Variants in GRM8 observed in about 807,000 individuals in gnomAD.
The protein encoded by GRM8 is glutamate metabotropic receptor 8, also known as metabotropic glutamate receptor 8.
GRM8 carries 47 observed loss-of-function variants against 87.2 expected under a neutral mutation model. The ratio of observed to expected loss-of-function variants is 0.54; its 90% CI spans 0.43 to 0.69. GRM8 has a LOEUF of 0.69. Ranked by LOEUF, GRM8 falls within the 30% of genes least tolerant of loss-of-function variation. GRM8 has a pLI of 0.00. For missense variants in GRM8, 1,019 were observed against 1,139.2 expected, an observed-to-expected ratio of 0.89 and a Z score of 1.52; for synonymous variants, 396 against 404.5, an observed-to-expected ratio of 0.98 and a Z score of 0.25.
rs521 is a variant in GRM8 at position 126,532,764 on chromosome 7, GATATATATATATAT to G, written c.2430+174_2430+187del. On this transcript the variant is annotated intron_variant, in intron 9 of 10. Coordinates refer to ENST00000339582, the MANE Select transcript of GRM8 (RefSeq NM_000845.3). ...AAGCAATGTGACCTTGACGGATGGA[GATATATATATATAT>G]ATATATATATATATATATATATATA... Among the ~76,000 whole-genome samples the G allele has an allele frequency of 6.4e-3, 713 of 110,916 alleles. 6 individuals carry two copies. Among genetic ancestry groups the G allele is most frequent in the African/African-American group, 0.011 (340 of 30,222 alleles). The allele number at this position is 110,916 out of a possible 152,430, so 72.8% of individuals were successfully genotyped here.
chr7:126,641,497 G>A (rs1157579145), intron 7 of GRM8, among the ~76,000 whole-genome samples: 2 of 152,128 alleles, frequency 1.3e-5, no homozygotes, highest in Non-Finnish European at 2.9e-5. Flanking sequence ...GGTGCAGAGT[G>A]GCCCTTGGGG....
chr7:126,588,563 C>T (rs758466397), intron 8 of GRM8, among the ~76,000 whole-genome samples: 9 of 152,128 alleles, frequency 5.9e-5, no homozygotes, highest in Non-Finnish European at 1.2e-4. Context: ...AGATGCCCAT[C>T]AGTGGTGAAC....
chr7:126,774,506 A>T (rs1819201983), intron 6 of GRM8, among the ~76,000 whole-genome samples: 1 of 152,196 alleles, frequency 6.6e-6, no homozygotes, highest in African/African-American at 2.4e-5. Context: ...AATTAACAAC[A>T]TATAGCAAAG....
At chr7:126,576,739 T>C (rs1034955181) in intron 8 of GRM8, among the ~76,000 whole-genome samples, 2 of 152,226 alleles carry the variant, frequency 1.3e-5, no homozygotes, top group African/African-American at 2.4e-5. Flanking sequence ...TTCCTTAAAA[T>C]GTCAGTGAGG....
intron 7 of GRM8, among the ~76,000 whole-genome samples, chr7:126,630,012 A>C (rs1801098519): frequency 6.6e-6 from 1 of 152,114 alleles, no homozygotes; most frequent in Admixed American, 6.6e-5. Context: ...TTTTCTGCCA[A>C]AATGAAATGC....
At chr7:126,769,705 G>A (rs774704597) in intron 7 of GRM8, among the ~76,000 whole-genome samples, 160 bp downstream of exon 7, 2 of 152,060 alleles carry the variant, frequency 1.3e-5, no homozygotes, top group Admixed American at 6.6e-5. Context: ...AAATATGTTT[G>A]AGATTCAAAA....
At chr7:127,203,637 A>G (rs1168360670) in intron 2 of GRM8, among the ~76,000 whole-genome samples, 1 of 151,964 alleles carries the variant, frequency 6.6e-6, no homozygotes, top group Non-Finnish European at 1.5e-5. Flanking sequence ...GAACCAGGGA[A>G]GTGGAGGTTG....
At chr7:126,988,787 C>G (rs1230550120) in intron 3 of GRM8, among the ~76,000 whole-genome samples, 1 of 152,136 alleles carries the variant, frequency 6.6e-6, no homozygotes, top group African/African-American at 2.4e-5. Flanking sequence ...TTCTTATTAA[C>G]TGTTCATTTT....
At chr7:127,033,785 C>T (rs577104356) in intron 3 of GRM8, among the ~76,000 whole-genome samples, 1 of 152,156 alleles carries the variant, frequency 6.6e-6, no homozygotes, top group South Asian at 2.1e-4. Flanking sequence ...GAACAATCAC[C>T]CTCATATAAA....
chr7:126,591,032 AC>A (rs1248109460), intron 8 of GRM8, among the ~76,000 whole-genome samples: 2 of 152,110 alleles, frequency 1.3e-5, no homozygotes, highest in African/African-American at 4.8e-5. Flanking sequence ...ACATCTCAAT[AC>A]CAACATTGAA....
At chr7:126,564,117 A>G (rs1305754659) in intron 8 of GRM8, among the ~76,000 whole-genome samples, 3 of 152,244 alleles carry the variant, frequency 2.0e-5, no homozygotes, top group Non-Finnish European at 4.4e-5. Flanking sequence ...AAAAGAAATG[A>G]AAGTCAGATG....
At chr7:126,548,392 A>G (rs1817411096) in intron 8 of GRM8, among the ~76,000 whole-genome samples, 1 of 152,240 alleles carries the variant, frequency 6.6e-6, no homozygotes, top group South Asian at 2.1e-4. Context: ...ATCGTCCTTA[A>G]GTATATAAAA....
intron 2 of GRM8, among the ~76,000 whole-genome samples, chr7:127,122,574 C>T (rs944586751): frequency 7.8e-6 from 1 of 128,794 alleles, no homozygotes; most frequent in Non-Finnish European, 1.6e-5. Context: ...ATACACATTG[C>T]TTTTTGGATG....
intron 9 of GRM8, among the ~76,000 whole-genome samples, chr7:126,493,008 T>A (rs993591214): frequency 6.6e-6 from 1 of 152,060 alleles, no homozygotes; most frequent in Non-Finnish European, 1.5e-5. Flanking sequence ...AAAGTTTGTT[T>A]GTGTATTGAT....
chr7:127,151,239 C>T (rs1828845607), intron 2 of GRM8, among the ~76,000 whole-genome samples: 1 of 151,902 alleles, frequency 6.6e-6, no homozygotes, highest in South Asian at 2.1e-4. Flanking sequence ...ATTCCAGATC[C>T]TTCTCCAGCC....
chr7:126,550,896 A>G (rs13246469), intron 8 of GRM8, among the ~76,000 whole-genome samples: 3 of 151,870 alleles, frequency 2.0e-5, no homozygotes, highest in Non-Finnish European at 4.4e-5. Flanking sequence ...AGTTGAAATT[A>G]CAGATACCTG....
intron 6 of GRM8, among the ~76,000 whole-genome samples, chr7:126,853,889 A>G (rs2130750276): frequency 6.6e-6 from 1 of 152,290 alleles, no homozygotes; most frequent in East Asian, 1.9e-4. Context: ...ACTATGCAGT[A>G]AAAAGGAATG....
chr7:126,915,550 A>G (rs935879465), intron 3 of GRM8, among the ~76,000 whole-genome samples: 5 of 152,236 alleles, frequency 3.3e-5, no homozygotes, highest in African/African-American at 1.2e-4. Flanking sequence ...TAGTTAGAAG[A>G]AAAACTTATG....
chr7:127,235,688 G>A (rs184816957), intron 2 of GRM8, among the ~76,000 whole-genome samples: 12 of 152,294 alleles, frequency 7.9e-5, no homozygotes, highest in Admixed American at 7.8e-4. Flanking sequence ...AGAATCACCT[G>A]GTGATCTTTT....
Sources: allele counts gnomAD v4.1 joint callset (sites outside exome capture counted in the v4.1 genomes callset), GRCh38; gene constraint gnomAD v4.1.1; transcripts MANE v1.5; gene names NCBI Gene and HGNC (gene_info 2026-07-23, HGNC 2026-07-21).